The following SHANK2 variants were observed in gnomAD, a reference collection of about 807,000 sequenced individuals.
SHANK2 encodes SH3 and multiple ankyrin repeat domains 2.
A neutral mutation model predicts 133.7 loss-of-function variants in SHANK2; 43 were observed. The ratio of observed to expected loss-of-function variants is 0.32; its 90% CI spans 0.25 to 0.41. The LOEUF (loss-of-function observed/expected upper bound fraction) is 0.41. Ranked by LOEUF, SHANK2 falls within the 10% of genes least tolerant of loss-of-function variation. The pLI, the probability that SHANK2 is intolerant of heterozygous loss-of-function variation, is 1.00. For missense variants in SHANK2, 1,994 were observed against 2,235.8 expected (o/e 0.89, Z 2.18); for synonymous variants, 1,017 against 952.8 (o/e 1.07, Z -1.24).
chr11:71,251,067 C>A (rs1011980743), intron 1 of SHANK2, among the ~76,000 whole-genome samples: 1 of 152,110 alleles, frequency 6.6e-6, no homozygotes, highest in Admixed American at 6.5e-5. Flanking sequence ...GCTGCCAGCC[C>A]CCGAGAGCCT....
intron 17 of SHANK2, among the ~76,000 whole-genome samples, chr11:70,636,004 C>A (rs2061074637): frequency 6.6e-6 from 1 of 152,252 alleles, no homozygotes; most frequent in Admixed American, 6.5e-5. Flanking sequence ...TTTCCCTGGT[C>A]CAGGTGGGGC....
chr11:70,587,470 G>C (rs180785751), intron 17 of SHANK2, among the ~76,000 whole-genome samples: 98 of 152,246 alleles, frequency 6.4e-4, no homozygotes, highest in Non-Finnish European at 2.1e-4. Context: ...AGCCATCAAA[G>C]GCATGGATGA....
chr11:70,914,040 G>A (rs989896414), intron 10 of SHANK2, among the ~76,000 whole-genome samples: 15 of 152,258 alleles, frequency 9.9e-5, no homozygotes, highest in South Asian at 4.1e-4. Context: ...ACACTGGGGC[G>A]GCAAGCAGAG....
chr11:71,174,372 C>A (rs1953378399), intron 2 of SHANK2, among the ~76,000 whole-genome samples: 2 of 152,030 alleles, frequency 1.3e-5, no homozygotes, highest in Admixed American at 6.6e-5. Context: ...CGTTGTGAGA[C>A]CTCATTTCTA....
intron 14 of SHANK2, among the ~76,000 whole-genome samples, chr11:70,744,739 G>A (rs1946602986): frequency 6.6e-6 from 1 of 152,164 alleles, no homozygotes; most frequent in South Asian, 2.1e-4. Context: ...AAGTTTCTTG[G>A]GGCCAATAGC....
chr11:70,599,905 GAGAAAGAA>G (rs201394941), intron 17 of SHANK2, among the ~76,000 whole-genome samples: 5,546 of 73,396 alleles, frequency 0.076, 276 homozygotes, highest in South Asian at 0.095. Context: ...AAGAAAGAAA[GAGAAAGAA>G]AGAAAGAAAG....
intron 17 of SHANK2, among the ~76,000 whole-genome samples, chr11:70,632,211 T>C (rs1461687991): frequency 5.3e-5 from 8 of 152,040 alleles, no homozygotes; most frequent in Admixed American, 5.2e-4. Context: ...AAGCTCTGCC[T>C]CCCGGGTTCA....
chr11:71,083,788 A>C (rs1462964424), intron 8 of SHANK2, among the ~76,000 whole-genome samples: 1 of 152,212 alleles, frequency 6.6e-6, no homozygotes, highest in East Asian at 1.9e-4. Context: ...AGTCTTTAGC[A>C]ATTAAAAATA....
chr11:71,086,415 A>G (rs1473955062), intron 8 of SHANK2, among the ~76,000 whole-genome samples: 1 of 131,680 alleles, frequency 7.6e-6, no homozygotes, highest in African/African-American at 2.9e-5. Flanking sequence ...TTTATAATAT[A>G]TAATACATAT....
chr11:70,590,535 CCA>C (rs1554987778), intron 17 of SHANK2, among the ~76,000 whole-genome samples: 1 of 152,158 alleles, frequency 6.6e-6, no homozygotes, highest in South Asian at 2.1e-4. Flanking sequence ...TCAGAAATTG[CCA>C]CAGTCACCCC....
intron 2 of SHANK2, among the ~76,000 whole-genome samples, chr11:71,164,582 CTG>C (rs1953101079): frequency 6.6e-6 from 1 of 152,204 alleles, no homozygotes; most frequent in Non-Finnish European, 1.5e-5. Flanking sequence ...AGTTAAATTA[CTG>C]TGTCTAGGAA....
rs529454808 is a variant in SHANK2, at chr11:70,735,274, G to A, written c.1778-36511C>T. Among the ~76,000 whole-genome samples, 49 of 152,310 alleles carry A rather than the reference G, an allele frequency of 3.2e-4. No homozygotes were observed. The Middle Eastern group carries it at 0.014, about 43-fold the overall frequency. On this transcript the variant is annotated intron_variant, in intron 14 of 25. Coordinates refer to ENST00000601538, the MANE Select transcript of SHANK2 (RefSeq NM_012309.5). ...AGGTGGAGCTGGGCAACCAGGCAGG[G>A]TCTTGGGAAGGCCTGGCTTCCCGAG...
At chr11:70,722,770 TC>T (rs1946097713) in intron 14 of SHANK2, among the ~76,000 whole-genome samples, 1 of 152,170 alleles carries the variant, frequency 6.6e-6, no homozygotes, top group Non-Finnish European at 1.5e-5. Context: ...ATAGTGTACC[TC>T]GAAGGCTGCT....
At chr11:70,504,380 G>GTGCCTGGCTCCCCATACC (rs1565078902) in intron 17 of SHANK2, among the ~76,000 whole-genome samples, 1 of 151,846 alleles carries the variant, frequency 6.6e-6, no homozygotes, top group Non-Finnish European at 1.5e-5. Flanking sequence ...GACAGGCCCA[G>GTGCCTGGCTCCCCATACC]GATGTGCCAG....
chr11:70,486,203 C>G lies in SHANK2; in HGVS notation c.4090G>C (p.Ala1364Pro). Residue 1364 changes from alanine to proline, a missense_variant, in exon 25 of 26, where the codon GCC becomes CCC. Ala to Pro is a conservative substitution (Grantham distance 27, BLOSUM62 -1). This residue lies in a region of SHANK2 where 797 missense variants were observed against 907.4 expected (regional missense o/e 0.88). Transcript: ENST00000601538. The surrounding 1 kb of genome is among the most constrained non-coding windows in gnomAD (Gnocchi z 8.0). ...CCGGGCACGGTGGTGGGCTCGGGGG[C>G]AGCGGAGATCTGTAAAGCACCTTCG... is the stretch of plus-strand genomic sequence containing the variant. ...ETEGALQISA[A>P]PEPTTVPGRT... The G allele has an allele frequency of 6.2e-7, 1 of 1,613,730 alleles. No individual in the cohort carries two copies. Among genetic ancestry groups the G allele is most frequent in the South Asian group, 1.1e-5 (1 of 91,068 alleles).
At chr11:70,589,374 G>A (rs1347785038) in intron 17 of SHANK2, among the ~76,000 whole-genome samples, 1 of 152,178 alleles carries the variant, frequency 6.6e-6, no homozygotes, top group Non-Finnish European at 1.5e-5. Context: ...TCTGTTTACA[G>A]CATGGCTATT....
intron 6 of SHANK2, among the ~76,000 whole-genome samples, chr11:71,106,755 G>A (rs1475891015): frequency 6.6e-6 from 1 of 152,102 alleles, no homozygotes; most frequent in South Asian, 2.1e-4. Context: ...GGAGGTCAAG[G>A]CTGCAGTGAG....
At chr11:70,893,126 T>G (rs1350982543) in intron 11 of SHANK2, among the ~76,000 whole-genome samples, 1 of 152,244 alleles carries the variant, frequency 6.6e-6, no homozygotes, top group Non-Finnish European at 1.5e-5. Context: ...CGTGGAGGTT[T>G]GCATGGCTGT....
At chr11:70,614,646 A>G (rs11236856) in intron 17 of SHANK2, among the ~76,000 whole-genome samples, 26,566 of 152,210 alleles carry the variant, frequency 0.17, 2,618 homozygotes, top group South Asian at 0.34. Flanking sequence ...CTAAGAAATA[A>G]GTACAAGCAG....
Sources: allele counts gnomAD v4.1 joint callset (sites outside exome capture counted in the v4.1 genomes callset), GRCh38; gene constraint gnomAD v4.1.1; regional missense constraint gnomAD v4.1.1; non-coding constraint Gnocchi (gnomAD v3.1); transcripts MANE v1.5; gene names NCBI Gene and HGNC (gene_info 2026-07-23, HGNC 2026-07-21).